ZMAT4: variants seen among roughly 807,000 people sequenced by gnomAD.
ZMAT4 encodes the protein zinc finger matrin-type 4, also known as zinc finger matrin-type protein 4.
Under a neutral mutation model 28.7 loss-of-function variants are expected in ZMAT4, and 17 were observed. The ratio of observed to expected loss-of-function variants is 0.59; its 90% CI spans 0.41 to 0.89. The LOEUF (loss-of-function observed/expected upper bound fraction) is 0.89, where lower values mean the gene tolerates loss of function less well. Among genes scored for constraint, ZMAT4 ranks in the 40% least tolerant of loss-of-function variants. The pLI is 0.00. For missense variants in ZMAT4, 240 were observed against 283.8 expected (o/e 0.85, Z 1.11); for synonymous variants, 117 against 109.2 (o/e 1.07, Z -0.44).
chr8:40,562,395 G>C (rs1190340220), intron 6 of ZMAT4, among the ~76,000 whole-genome samples: 1 of 152,102 alleles, frequency 6.6e-6, no homozygotes, highest in Non-Finnish European at 1.5e-5. Context: ...GAAGTTCACT[G>C]GGTAGCACTT....
intron 3 of ZMAT4, among the ~76,000 whole-genome samples, chr8:40,726,636 G>A (rs1040084536): frequency 7.9e-5 from 12 of 152,240 alleles, no homozygotes; most frequent in African/African-American, 2.9e-4. Context: ...CCAAACCATA[G>A]TCAGCAAACC....
At chr8:40,601,215 A>G (rs1038455966) in intron 5 of ZMAT4, among the ~76,000 whole-genome samples, 2 of 152,030 alleles carry the variant, frequency 1.3e-5, no homozygotes, top group Non-Finnish European at 2.9e-5. Flanking sequence ...GGGAAAGTCC[A>G]GTATGTGTCT....
intron 5 of ZMAT4, among the ~76,000 whole-genome samples, chr8:40,668,438 C>G (rs912587526): frequency 7.6e-6 from 1 of 131,298 alleles, no homozygotes; most frequent in Non-Finnish European, 1.5e-5. Context: ...CCACTGCACT[C>G]TAGCTTGGTG....
intron 5 of ZMAT4, among the ~76,000 whole-genome samples, chr8:40,596,905 C>T (rs945437889): frequency 6.6e-6 from 1 of 152,172 alleles, no homozygotes; most frequent in African/African-American, 2.4e-5. Flanking sequence ...AAAGTTCTAG[C>T]TCTGGGGCCA....
intron 5 of ZMAT4, among the ~76,000 whole-genome samples, chr8:40,617,235 A>C (rs1486314762): frequency 6.6e-6 from 1 of 152,250 alleles, no homozygotes; most frequent in Non-Finnish European, 1.5e-5. Flanking sequence ...ACTAGAATTT[A>C]GGGAAAGGCA....
chr8:40,589,800 T>TTA (rs765193324), intron 5 of ZMAT4, among the ~76,000 whole-genome samples: 1 of 128,058 alleles, frequency 7.8e-6, no homozygotes, highest in Non-Finnish European at 1.6e-5. Context: ...TTCTTTTTCT[T>TTA]TGTCTTTCCT....
rs543513809 is a variant in ZMAT4, at chr8:40,810,850, T to TA, written c.102+14724dup. ...AATAAAAAGAATACAAGTACACCAA[T>TA]AAAAAAATGGGCAAACGATACGAAT... On this transcript the variant is annotated intron_variant, in intron 2 of 6. Coordinates refer to ENST00000297737, the MANE Select transcript of ZMAT4 (RefSeq NM_024645.3). 2.3e-4 allele frequency among the ~76,000 whole-genome samples: 35 copies of TA among 151,902 alleles called. No individual in the cohort carries two copies. The East Asian group carries it at 4.5e-3, about 19-fold the overall frequency.
intron 3 of ZMAT4, among the ~76,000 whole-genome samples, chr8:40,724,809 A>G (rs890949404): frequency 2.0e-5 from 3 of 152,230 alleles, no homozygotes; most frequent in Non-Finnish European, 1.5e-5. Flanking sequence ...AGATGGCATC[A>G]TCTGGAAAAG....
At chr8:40,566,709 T>C (rs907667042) in intron 6 of ZMAT4, among the ~76,000 whole-genome samples, 3 of 152,096 alleles carry the variant, frequency 2.0e-5, no homozygotes, top group African/African-American at 7.2e-5. Flanking sequence ...GACCAAAAGC[T>C]AGATTTAAAA....
At chr8:40,702,701 A>G (rs1458198299) in intron 3 of ZMAT4, among the ~76,000 whole-genome samples, 1 of 152,188 alleles carries the variant, frequency 6.6e-6, no homozygotes, top group African/African-American at 2.4e-5. Flanking sequence ...TCAGAATGGC[A>G]GAGTGAGGAG....
chr8:40,693,069 T>G (rs1368765581), intron 4 of ZMAT4, among the ~76,000 whole-genome samples: 1 of 152,152 alleles, frequency 6.6e-6, no homozygotes, highest in East Asian at 1.9e-4. Context: ...TAAGCTAAAA[T>G]GAGATCATAT....
At chr8:40,799,207 G>GTGGA (rs371951408) in intron 2 of ZMAT4, among the ~76,000 whole-genome samples, 4 of 72,546 alleles carry the variant, frequency 5.5e-5, no homozygotes, top group East Asian at 4.3e-4. Flanking sequence ...GGATAGATGG[G>GTGGA]TGGATGGATG....
chr8:40,572,776 T>C (rs1301826106), intron 6 of ZMAT4, among the ~76,000 whole-genome samples: 2 of 152,202 alleles, frequency 1.3e-5, no homozygotes, highest in African/African-American at 2.4e-5. Flanking sequence ...TCCTGTTGTT[T>C]AACAATGGAG....
chr8:40,724,084 G>C (rs894266379), intron 3 of ZMAT4, among the ~76,000 whole-genome samples: 1 of 151,806 alleles, frequency 6.6e-6, no homozygotes, highest in African/African-American at 2.4e-5. Context: ...TTGTCCTTTG[G>C]GCTTGTTCTT....
At chr8:40,668,352 C>A (rs1368211073) in intron 5 of ZMAT4, among the ~76,000 whole-genome samples, 1 of 151,582 alleles carries the variant, frequency 6.6e-6, no homozygotes, top group Non-Finnish European at 1.5e-5. Flanking sequence ...CACCTGTAGT[C>A]CCAGCTACTC....
intron 1 of ZMAT4, among the ~76,000 whole-genome samples, chr8:40,894,832 G>A (rs28417312): frequency 0.13 from 20,079 of 151,916 alleles, 1,539 homozygotes; most frequent in South Asian, 0.21. Context: ...CACAATAGGC[G>A]TGCTTATTAG....
chr8:40,890,005 C>A (rs1017780622), intron 1 of ZMAT4, among the ~76,000 whole-genome samples: 1 of 152,208 alleles, frequency 6.6e-6, no homozygotes. Context: ...ATTACATTAT[C>A]ATTTTTAATT....
chr8:40,555,335 TAGTGAGA>T (rs1803499713), intron 6 of ZMAT4, among the ~76,000 whole-genome samples: 1 of 152,194 alleles, frequency 6.6e-6, no homozygotes, highest in African/African-American at 2.4e-5. Context: ...GAACACTCAG[TAGTGAGA>T]TTTCTAGATC....
intron 2 of ZMAT4, among the ~76,000 whole-genome samples, chr8:40,800,614 C>G (rs1814794261): frequency 6.6e-6 from 1 of 151,732 alleles, no homozygotes; most frequent in Non-Finnish European, 1.5e-5. Flanking sequence ...TTTAAAAATC[C>G]CAAAATACTT....
Sources: gnomAD v4.1 joint callset for allele counts (sites outside exome capture counted in the v4.1 genomes callset) on GRCh38, gnomAD v4.1.1 for gene constraint, MANE v1.5 for transcripts, NCBI Gene and HGNC (gene_info 2026-07-23, HGNC 2026-07-21) for gene names.